Variants in NGEF observed in about 807,000 individuals in gnomAD.
NGEF encodes neuronal guanine nucleotide exchange factor.
In NGEF, 31 loss-of-function variants were observed where a neutral mutation model predicts 80.9. That is an observed-to-expected ratio of 0.38 (90% CI 0.29 to 0.52). The LOEUF is 0.52. Ranked by LOEUF, NGEF falls within the 20% of genes least tolerant of loss-of-function variation. The probability of loss-of-function intolerance (pLI) is 0.84; values close to 1 mark genes in which losing one functional copy is unlikely to be tolerated. For synonymous variants in NGEF, 371 were observed against 370.2 expected, an observed-to-expected ratio of 1.00 and a Z score of -0.03; for missense variants, 709 against 926.2, an observed-to-expected ratio of 0.77 and a Z score of 3.04.
At chr2:232,885,636 C>G (rs191601259) in intron 9 of NGEF, 4 of 471,352 alleles carry the variant, frequency 8.5e-6, no homozygotes, top group African/African-American at 2.0e-5. Context: ...AAAACACATG[C>G]GTGAGGCATC....
intron 13 of NGEF, 50 bp downstream of exon 13, chr2:232,882,136 C>G (rs754385975): frequency 2.6e-6 from 4 of 1,552,166 alleles, no homozygotes; most frequent in Non-Finnish European, 3.5e-6. Context: ...CGGCATCCGG[C>G]AGGGCCAGCC....
chr2:232,915,549 A>G (rs1019032186), intron 5 of NGEF, among the ~76,000 whole-genome samples: 4 of 152,192 alleles, frequency 2.6e-5, no homozygotes, highest in Admixed American at 6.5e-5. Flanking sequence ...GCAGCTCTAG[A>G]GAGTATAAAG....
intron 1 of NGEF, among the ~76,000 whole-genome samples, chr2:233,011,527 A>G (rs1416932221): frequency 6.7e-6 from 1 of 148,782 alleles, no homozygotes; most frequent in African/African-American, 2.5e-5. Context: ...CATCTGGGCT[A>G]TTTTGTTACT....
chr2:232,994,602 G>GGGAGC, intron 1 of NGEF, among the ~76,000 whole-genome samples: 1 of 152,236 alleles, frequency 6.6e-6, no homozygotes, highest in African/African-American at 2.4e-5. Context: ...TGTGGGTGTT[G>GGGAGC]GGAGCGGGGA....
Position 232,879,388 on chromosome 2 carries a change from A to T in NGEF, c.*101T>A. ...CGGGCACCCCAAGCCAGATCCTGCC[A>T]CCTGGGGAGGTGCTGGCCTGTGCTT... On this transcript the variant is annotated 3_prime_UTR_variant, in exon 15 of 15. Transcript: ENST00000264051. 8.1e-7 allele frequency: 1 copy of T among 1,228,674 alleles called. No homozygotes were observed. Among genetic ancestry groups the T allele is most frequent in the Non-Finnish European group, 1.1e-6 (1 of 880,336 alleles). The allele number at this position is 1,228,674 out of a possible 1,614,324, so 76.1% of individuals were successfully genotyped here.
intron 5 of NGEF, chr2:232,905,514 G>C (rs975129845): frequency 1.4e-5 from 4 of 282,686 alleles, no homozygotes; most frequent in Non-Finnish European, 2.8e-5. Context: ...AGCCTCTGCC[G>C]GTCCGCCACC....
intron 3 of NGEF, among the ~76,000 whole-genome samples, chr2:232,966,043 G>A (rs1016806245): frequency 3.3e-5 from 5 of 152,172 alleles, no homozygotes; most frequent in African/African-American, 1.2e-4. Context: ...GAAGTTATAA[G>A]CAAATGGTCT....
chr2:232,985,562 C>T (rs1334373957), intron 1 of NGEF, among the ~76,000 whole-genome samples: 2 of 151,756 alleles, frequency 1.3e-5, no homozygotes, highest in Non-Finnish European at 2.9e-5. Context: ...ACCATCCTGG[C>T]TAACATGGTG....
intron 1 of NGEF, among the ~76,000 whole-genome samples, chr2:233,002,339 C>A (rs186183492): frequency 6.6e-6 from 1 of 152,216 alleles, no homozygotes; most frequent in Admixed American, 6.5e-5. Context: ...TAAAGGCAAT[C>A]TGTAGAAAAT....
intron 3 of NGEF, among the ~76,000 whole-genome samples, chr2:232,932,166 T>TC (rs202153482): frequency 6.8e-5 from 10 of 146,686 alleles, no homozygotes; most frequent in African/African-American, 1.3e-4. Context: ...CACCTTTCTT[T>TC]TTTTTTTTTT....
intron 1 of NGEF, among the ~76,000 whole-genome samples, chr2:232,983,177 G>T (rs1694471969): frequency 6.6e-6 from 1 of 152,054 alleles, no homozygotes. Context: ...AGAAATTGGG[G>T]AGCCAGCAGT....
At chr2:232,952,629 TG>T (rs966253937) in intron 3 of NGEF, among the ~76,000 whole-genome samples, 2 of 152,164 alleles carry the variant, frequency 1.3e-5, no homozygotes, top group African/African-American at 2.4e-5. Flanking sequence ...AACAATATTT[TG>T]GGGGTATCTA....
chr2:233,006,373 C>G (rs1023658482), intron 1 of NGEF, among the ~76,000 whole-genome samples: 9 of 152,132 alleles, frequency 5.9e-5, no homozygotes, highest in African/African-American at 2.2e-4. Flanking sequence ...TGTGCAGGTG[C>G]CTCAAGGGAG....
At chr2:232,967,714 T>C (rs887341863) in intron 3 of NGEF, among the ~76,000 whole-genome samples, 1 of 151,202 alleles carries the variant, frequency 6.6e-6, no homozygotes, top group East Asian at 1.9e-4. Context: ...GGGGTGTGTG[T>C]GTGTGTGTGT....
At chr2:233,012,911 G>A (rs547624602) in intron 1 of NGEF, 157 bp downstream of exon 1, 18 of 470,906 alleles carry the variant, frequency 3.8e-5, no homozygotes, top group Admixed American at 3.1e-4. Flanking sequence ...AGGATCCCTC[G>A]GGTGGAATCC....
chr2:233,008,036 C>T (rs1695122765), intron 1 of NGEF, among the ~76,000 whole-genome samples: 1 of 152,222 alleles, frequency 6.6e-6, no homozygotes, highest in African/African-American at 2.4e-5. Context: ...GAGAGCAAAA[C>T]TGTCTTGATC....
chr2:233,011,631 T>G (rs1695205450), intron 1 of NGEF, among the ~76,000 whole-genome samples: 1 of 150,768 alleles, frequency 6.6e-6, no homozygotes, highest in African/African-American at 2.4e-5. Flanking sequence ...CTTGCCAGGT[T>G]GCCCAGGTTG....
chr2:232,977,321 G>A (rs1694315838), intron 1 of NGEF, among the ~76,000 whole-genome samples: 1 of 152,144 alleles, frequency 6.6e-6, no homozygotes, highest in Non-Finnish European at 1.5e-5. Flanking sequence ...GGGAGCCTGG[G>A]GGCAGAATGA....
At chr2:232,912,166 C>T (rs1692703252) in intron 5 of NGEF, among the ~76,000 whole-genome samples, 3 of 152,114 alleles carry the variant, frequency 2.0e-5, no homozygotes, top group South Asian at 4.1e-4. Flanking sequence ...CTTATCAGGT[C>T]CAGGAGTTTC....
Sources: gnomAD v4.1 joint callset for allele counts (sites outside exome capture counted in the v4.1 genomes callset) on GRCh38, gnomAD v4.1.1 for gene constraint, MANE v1.5 for transcripts, NCBI Gene and HGNC (gene_info 2026-07-23, HGNC 2026-07-21) for gene names.